The following CACNA1B variants were observed in gnomAD, a reference collection of about 807,000 sequenced individuals.
CACNA1B encodes the protein calcium voltage-gated channel subunit alpha1 B.
In CACNA1B, 70 loss-of-function variants were observed where a neutral mutation model predicts 247.2. The ratio of observed to expected loss-of-function variants is 0.28; its 90% CI spans 0.23 to 0.35. CACNA1B has a LOEUF of 0.35. Among genes scored for constraint, CACNA1B ranks in the 10% least tolerant of loss-of-function variants. CACNA1B has a pLI of 1.00. For synonymous variants in CACNA1B, 1,231 were observed against 1,294.4 expected (o/e 0.95, Z 1.05); for missense variants, 2,367 against 3,197.4 (o/e 0.74, Z 6.26).
At chr9:138,002,225 T>C (rs1465299966) in intron 15 of CACNA1B, among the ~76,000 whole-genome samples, 1 of 151,926 alleles carries the variant, frequency 6.6e-6, no homozygotes, top group East Asian at 1.9e-4. Flanking sequence ...ATATAGAAAG[T>C]TGGTTATATG....
At chr9:137,920,126 G>A (rs1042403795) in intron 6 of CACNA1B, among the ~76,000 whole-genome samples, 2 of 152,192 alleles carry the variant, frequency 1.3e-5, no homozygotes, top group Non-Finnish European at 2.9e-5. Flanking sequence ...GCTGTGGCAG[G>A]CCAGCCAGCG....
intron 10 of CACNA1B, among the ~76,000 whole-genome samples, chr9:137,958,440 T>A (rs1395774443): frequency 6.6e-6 from 1 of 152,188 alleles, no homozygotes; most frequent in East Asian, 1.9e-4. Flanking sequence ...CATACAAACT[T>A]TTCTCACCAG....
At chr9:138,064,824 A>T (rs545803338) in intron 31 of CACNA1B, among the ~76,000 whole-genome samples, 1 of 152,232 alleles carries the variant, frequency 6.6e-6, no homozygotes. Flanking sequence ...TCCCTGCTCC[A>T]TGACAGCATC....
intron 6 of CACNA1B, among the ~76,000 whole-genome samples, chr9:137,939,760 G>A (rs546559385): frequency 8.6e-5 from 13 of 151,516 alleles, no homozygotes; most frequent in Non-Finnish European, 1.3e-4. Context: ...CTGAGATCAC[G>A]CCACTGCACT....
chr9:137,908,155 T>C (rs376890645), intron 3 of CACNA1B, among the ~76,000 whole-genome samples: 1 of 152,220 alleles, frequency 6.6e-6, no homozygotes, highest in East Asian at 1.9e-4. Context: ...CCATTGCTTG[T>C]CCATGTGGAT....
At chr9:138,108,896 G>A (rs145375715) in intron 39 of CACNA1B, among the ~76,000 whole-genome samples, 1,607 of 152,246 alleles carry the variant, frequency 0.011, 11 homozygotes, top group Non-Finnish European at 0.018. Context: ...TGATCCGCCC[G>A]TCTCAGCCTC....
Position 137,952,649 on chromosome 9 carries a change from A to G in CACNA1B, c.1070+272A>G, listed in dbSNP as rs1180652565. ...TAGCTGCCACTACTCATCTGGGTAG[A>G]CAGGAGGTGTGGTCTGTAATGGGAG... On this transcript the variant is annotated intron_variant, in intron 7 of 46. Transcript: ENST00000371372. This position sits in a 1 kb window ranked among gnomAD's most constrained non-coding sequence, Gnocchi z 4.8. Among the ~76,000 whole-genome samples, 1 of 151,314 alleles carries G rather than the reference A, an allele frequency of 6.6e-6. No homozygotes were observed. The highest frequency in any genetic ancestry group is 2.4e-5 in the African/African-American group (1 of 41,060).
intron 39 of CACNA1B, among the ~76,000 whole-genome samples, chr9:138,107,969 A>T (rs1386132348): frequency 1.3e-5 from 2 of 149,620 alleles, no homozygotes; most frequent in African/African-American, 4.9e-5. Context: ...TGGGTGACAG[A>T]GTGAGACTCT....
chr9:138,008,865 G>A (rs902418434), intron 16 of CACNA1B, among the ~76,000 whole-genome samples: 1 of 152,256 alleles, frequency 6.6e-6, no homozygotes, highest in African/African-American at 2.4e-5. Context: ...CGGAGACCAA[G>A]GGTGCTGCCT....
intron 36 of CACNA1B, among the ~76,000 whole-genome samples, chr9:138,089,354 A>G (rs542204759): frequency 5.3e-4 from 80 of 152,350 alleles, no homozygotes; most frequent in African/African-American, 1.9e-3. Flanking sequence ...GGATGTAAGG[A>G]TGGTTCAACA....
At chr9:138,070,249 C>T (rs952761549) in intron 32 of CACNA1B, among the ~76,000 whole-genome samples, 2 of 152,218 alleles carry the variant, frequency 1.3e-5, no homozygotes, top group Non-Finnish European at 2.9e-5. Flanking sequence ...AGCTTCCGTC[C>T]TTCCTGGACT....
rs1408427644 is a variant in CACNA1B at position 137,917,073 on chromosome 9, T to G, written c.776-168T>G. Among the ~76,000 whole-genome samples, 1 of 152,120 alleles carries G rather than the reference T, an allele frequency of 6.6e-6. No homozygotes were observed. Among genetic ancestry groups the G allele is most frequent in the Non-Finnish European group, 1.5e-5 (1 of 68,002 alleles). On this transcript the variant is annotated intron_variant, in intron 5 of 46. Coordinates refer to ENST00000371372, the MANE Select transcript of CACNA1B (RefSeq NM_000718.4). This position sits in a 1 kb window ranked among gnomAD's most constrained non-coding sequence, Gnocchi z 5.5. The stretch of plus-strand genomic sequence containing the variant: ...TGAGCTCGGGGTCAGCAAGAGGCGA[T>G]GCCTGATGCAGATTCGAGGAGGGAT...
intron 12 of CACNA1B, among the ~76,000 whole-genome samples, chr9:137,983,653 G>A (rs561414942): frequency 5.9e-5 from 9 of 152,274 alleles, no homozygotes; most frequent in Non-Finnish European, 1.3e-4. Context: ...GAGTATCTTG[G>A]AGCAGTGGCA....
At chr9:137,893,499 G>A (rs892496321) in intron 3 of CACNA1B, among the ~76,000 whole-genome samples, 1 of 151,332 alleles carries the variant, frequency 6.6e-6, no homozygotes, top group African/African-American at 2.4e-5. Flanking sequence ...AAATACAAAA[G>A]AATGAGCCGG....
chr9:138,121,228 C>T lies in CACNA1B; in HGVS notation c.6490-241C>T, dbSNP rs1322058109. Among the ~76,000 whole-genome samples the T allele has an allele frequency of 6.6e-6, 1 of 152,114 alleles. No individual in the cohort carries two copies. The highest frequency in any genetic ancestry group is 1.5e-5 in the Non-Finnish European group (1 of 68,030). ...TTTGTTCTGTCCTTTTCCCTGGCCCCAGCCTGTCCCTTCCCATCACCTGCT... is the reference window on the plus strand; with the variant it reads ...TTTGTTCTGTCCTTTTCCCTGGCCCTAGCCTGTCCCTTCCCATCACCTGCT... On this transcript the variant is annotated intron_variant, in intron 46 of 46. Coordinates refer to ENST00000371372, the MANE Select transcript of CACNA1B (RefSeq NM_000718.4). This position sits in a 1 kb window ranked among gnomAD's most constrained non-coding sequence, Gnocchi z 6.8.
In CACNA1B at chr9:137,917,821, C is replaced by T. The variant is rs1335623332; in HGVS notation, c.966+390C>T. Among the ~76,000 whole-genome samples the T allele has an allele frequency of 6.6e-6, 1 of 152,244 alleles. No individual in the cohort carries two copies. Among genetic ancestry groups the T allele is most frequent in the Non-Finnish European group, 1.5e-5 (1 of 68,048 alleles). ...GTGTTTTATTCCTGTTGACTCCTCT[C>T]AGGAACCTGTTGCACAGATGATGAG... On this transcript the variant is annotated intron_variant, in intron 6 of 46. Coordinates refer to ENST00000371372, the MANE Select transcript of CACNA1B (RefSeq NM_000718.4). The surrounding 1 kb of genome is among the most constrained non-coding windows in gnomAD (Gnocchi z 5.5).
rs539894612 is a variant in CACNA1B at position 138,000,469 on chromosome 9, C to T, written c.1975-6298C>T. On this transcript the variant is annotated intron_variant, in intron 15 of 46. Transcript: ENST00000371372. ...CAAGAAGAAATTTTGAAAACCTGGA[C>T]ATTTCATAATTATAAAAGAAATTTA... Among the ~76,000 whole-genome samples the T allele has an allele frequency of 1.6e-3, 245 of 152,278 alleles. 2 individuals carry two copies. Among genetic ancestry groups the T allele is most frequent in the Middle Eastern group, 0.01 (3 of 294 alleles).
rs953441057 is a variant in CACNA1B at position 137,877,800 on chromosome 9, T to G, written c.-134T>G. 156 of 346,990 alleles carry G rather than the reference T, an allele frequency of 4.5e-4. No individual in the cohort carries two copies. Among genetic ancestry groups the G allele is most frequent in the Non-Finnish European group, 6.0e-4 (149 of 248,304 alleles). The allele number at this position is 346,990 out of a possible 1,614,324, so 21.5% of individuals were successfully genotyped here. A position where few individuals can be genotyped will look rare whatever the true frequency, so the allele number is the denominator to read the frequency against. On this transcript the variant is annotated 5_prime_UTR_variant, in exon 1 of 47. Coordinates refer to ENST00000371372, the MANE Select transcript of CACNA1B (RefSeq NM_000718.4). ...CGGAGTCGGGTGAGGCGGCGGCGGCTGCGGCGGTGGGGCCGGGCGAGGTCC... is the reference window on the plus strand; with the variant it reads ...CGGAGTCGGGTGAGGCGGCGGCGGCGGCGGCGGTGGGGCCGGGCGAGGTCC...
At chr9:138,098,593 A>G (rs1359704469) in intron 37 of CACNA1B, among the ~76,000 whole-genome samples, 1 of 152,208 alleles carries the variant, frequency 6.6e-6, no homozygotes, top group Non-Finnish European at 1.5e-5. Context: ...AGCCGCCGGC[A>G]AGAGCAGAGG....
Sources: gnomAD v4.1 joint callset for allele counts (sites outside exome capture counted in the v4.1 genomes callset) on GRCh38, gnomAD v4.1.1 for gene constraint, Gnocchi (gnomAD v3.1) non-coding constraint, MANE v1.5 for transcripts, NCBI Gene and HGNC (gene_info 2026-07-23, HGNC 2026-07-21) for gene names.